The following AGAP4 variants were observed in gnomAD, a reference collection of about 807,000 sequenced individuals.
The protein encoded by AGAP4 is arf-GAP with GTPase, ANK repeat and PH domain-containing protein 4.
AGAP4 carries 13 observed loss-of-function variants against 60.7 expected under a neutral mutation model. That is an observed-to-expected ratio of 0.21 (90% CI 0.14 to 0.34). AGAP4 has a LOEUF of 0.34. Among genes scored for constraint, AGAP4 ranks in the 10% least tolerant of loss-of-function variants. The pLI is 1.00. For missense variants in AGAP4, 169 were observed against 884.0 expected (o/e 0.19, Z 10.26); for synonymous variants, 70 against 339.0 (o/e 0.21, Z 8.72).
chr10:45,848,674 C>G (rs1419964721), upstream of AGAP4, among the ~76,000 whole-genome samples: 2 of 152,090 alleles, frequency 1.3e-5, no homozygotes, highest in African/African-American at 4.8e-5. Context: ...GTTGCTTAAG[C>G]ATGATTATCA....
Position 45,829,341 on chromosome 10 carries a change from T to G in AGAP4, c.534-1261A>C, listed in dbSNP as rs376328849. 5.3e-3 allele frequency among the ~76,000 whole-genome samples: 773 copies of G among 146,100 alleles called. 46 individuals are homozygous for G. The highest frequency in any genetic ancestry group is 0.016 in the African/African-American group (623 of 39,056). On this transcript the variant is annotated intron_variant, in intron 6 of 7. Coordinates refer to ENST00000616763, the MANE Select transcript of AGAP4 (RefSeq NM_001276343.3). ...AGTTAACCAGAAGCGCTTTTTTTTTTTTTGTTTTTAAAGAATCCGTGATTT... is the reference window on the plus strand; with the variant it reads ...AGTTAACCAGAAGCGCTTTTTTTTTGTTTGTTTTTAAAGAATCCGTGATTT...
At chr10:45,835,378 TCTAA>T (rs1554897720) in intron 4 of AGAP4, among the ~76,000 whole-genome samples, 1 of 93,092 alleles carries the variant, frequency 1.1e-5, no homozygotes, top group Non-Finnish European at 2.2e-5. Flanking sequence ...ACTTAAAAAA[TCTAA>T]CTTTCACTTC....
At chr10:45,834,936 GCTAA>G (rs1410614713) in intron 4 of AGAP4, among the ~76,000 whole-genome samples, 1 of 147,138 alleles carries the variant, frequency 6.8e-6, no homozygotes, top group Non-Finnish European at 1.5e-5. Flanking sequence ...ACCGTGCCCG[GCTAA>G]CTTTTTGTGT....
chr10:45,853,061 C>T (rs1375427954), intron 1 of AGAP4, among the ~76,000 whole-genome samples: 51 of 151,704 alleles, frequency 3.4e-4, no homozygotes, highest in African/African-American at 1.1e-3. Context: ...TACAAAAAGT[C>T]TGTAATGATC....
chr10:45,853,716 C>T, exon 1 of AGAP4: 1 of 1,287,806 alleles, frequency 7.8e-7, no homozygotes, highest in Non-Finnish European at 1.0e-6. Context: ...TCCTCTTGGG[C>T]AGAGATCACA....
upstream of AGAP4, among the ~76,000 whole-genome samples, chr10:45,851,069 T>C (rs1428279821): frequency 5.6e-4 from 85 of 152,130 alleles, no homozygotes; most frequent in East Asian, 8.1e-3. Context: ...TTGAGGCACC[T>C]TGTATAAAAT....
chr10:45,847,537 G>A, upstream of AGAP4: 1 of 1,474,514 alleles, frequency 6.8e-7, no homozygotes, highest in Non-Finnish European at 8.9e-7. Flanking sequence ...GGCTAGGGCT[G>A]CGGGCCAAGG....
chr10:45,829,388 T>G (rs1303887773), intron 6 of AGAP4, among the ~76,000 whole-genome samples: 8 of 146,696 alleles, frequency 5.5e-5, no homozygotes, highest in African/African-American at 2.0e-4. Context: ...GAAAAATCAC[T>G]TTTTTCACAG....
At chr10:45,837,097 C>A (rs1160880694) in intron 4 of AGAP4, among the ~76,000 whole-genome samples, 2 of 139,694 alleles carry the variant, frequency 1.4e-5, no homozygotes, top group Admixed American at 7.0e-5. Flanking sequence ...GAACTCCTGA[C>A]CTCATGATCC....
chr10:45,850,921 T>C (rs1318972736), upstream of AGAP4, among the ~76,000 whole-genome samples: 2 of 152,080 alleles, frequency 1.3e-5, no homozygotes, highest in African/African-American at 4.8e-5. Flanking sequence ...TCCCAACATA[T>C]GTTTTCAAAA....
At chr10:45,846,264 G>A (rs2058997948) in intron 2 of AGAP4, among the ~76,000 whole-genome samples, 1 of 151,092 alleles carries the variant, frequency 6.6e-6, no homozygotes, top group Non-Finnish European at 1.5e-5. Flanking sequence ...TGCAGCCCCG[G>A]CTGTGACATT....
At chr10:45,848,141 G>T (rs1590042111), upstream of AGAP4, among the ~76,000 whole-genome samples, 1 of 147,438 alleles carries the variant, frequency 6.8e-6, no homozygotes, top group Admixed American at 6.8e-5. Context: ...CTTCCAACGA[G>T]TGGTCATTTT....
intron 6 of AGAP4, among the ~76,000 whole-genome samples, 171 bp downstream of exon 6, chr10:45,831,223 C>G (rs1403254495): frequency 9.1e-5 from 12 of 131,368 alleles, no homozygotes; most frequent in Admixed American, 7.5e-5. Flanking sequence ...GATTCTCAAT[C>G]ATTTAAGAAT....
chr10:45,836,911 C>T (rs1288570551), intron 4 of AGAP4, among the ~76,000 whole-genome samples: 8 of 149,012 alleles, frequency 5.4e-5, no homozygotes, highest in African/African-American at 1.7e-4. Context: ...GTTGCCCAGG[C>T]TGGAATATGC....
At position 45,831,500 on chromosome 10, in the gene AGAP4, G is replaced by C. The variant is rs1266691131; in HGVS notation, c.498-71C>G. ...AGGCCTGAAGACATTTTTTAAAAGG[G>C]GGGCAGAGGAAACTCTCCTAGTGGC... On this transcript the variant is annotated intron_variant, in intron 5 of 7. Transcript: ENST00000616763. 3.6e-6 allele frequency: 5 copies of C among 1,382,564 alleles called. 1 individual carries two copies. Among genetic ancestry groups the C allele is most frequent in the African/African-American group, 2.8e-5 (2 of 70,762 alleles). The allele number at this position is 1,382,564 out of a possible 1,614,324, so 85.6% of individuals were successfully genotyped here.
At chr10:45,843,051 C>T (rs1233973382) in intron 3 of AGAP4, among the ~76,000 whole-genome samples, 1 of 86,496 alleles carries the variant, frequency 1.2e-5, no homozygotes, top group Non-Finnish European at 2.3e-5. Context: ...AATCCCAGCA[C>T]TTTGGGAGGC....
At chr10:45,834,700 A>T (rs1405736543) in intron 4 of AGAP4, among the ~76,000 whole-genome samples, 1 of 124,394 alleles carries the variant, frequency 8.0e-6, no homozygotes, top group African/African-American at 3.4e-5. Context: ...AAAAAAAAAG[A>T]AAAGTTTAAA....
At chr10:45,839,962 A>C (rs1268132824) in intron 4 of AGAP4, among the ~76,000 whole-genome samples, 7 of 150,760 alleles carry the variant, frequency 4.6e-5, no homozygotes, top group Non-Finnish European at 7.4e-5. Context: ...GGGAAAAATT[A>C]AAAATCAATG....
Position 45,846,702 on chromosome 10 carries a change from T to C in AGAP4, c.277A>G (p.Asn93Asp). ...NPEASTIFQR[N>D]SQTDALEFNP... ...GTTGTCTCACCATCTGTTTGAGAGT[T>C]CCTCTGGAATATTGTGCTTGCCTCT... is the stretch of plus-strand genomic sequence containing the variant. The change falls in exon 2 of 8, where the codon AAC (asparagine) becomes GAC (aspartate). Residue 93 changes from asparagine to aspartate, a missense_variant. Physicochemically the swap from Asn to Asp is conservative, Grantham distance 23. Coordinates refer to ENST00000616763, the MANE Select transcript of AGAP4 (RefSeq NM_001276343.3). 1.6e-6 allele frequency: 2 copies of C among 1,244,498 alleles called. No individual in the cohort carries two copies. The highest frequency in any genetic ancestry group is 1.1e-6 in the Non-Finnish European group (1 of 923,074). 77.1% of individuals were successfully genotyped at this position (1,244,498 alleles called of 1,614,324 possible).
Sources: allele counts gnomAD v4.1 joint callset (sites outside exome capture counted in the v4.1 genomes callset), GRCh38; gene constraint gnomAD v4.1.1; transcripts MANE v1.5; gene names NCBI Gene and HGNC (gene_info 2026-07-23, HGNC 2026-07-21).